Variants in CACNA1B observed in about 807,000 individuals in gnomAD.
The protein encoded by CACNA1B is calcium voltage-gated channel subunit alpha1 B.
A neutral mutation model predicts 247.2 loss-of-function variants in CACNA1B; 70 were observed. The ratio of observed to expected loss-of-function variants is 0.28; its 90% CI spans 0.23 to 0.35. The LOEUF is 0.35. CACNA1B is among the 10% of genes least tolerant of loss of function. The pLI, the probability that CACNA1B is intolerant of heterozygous loss-of-function variation, is 1.00. For missense variants in CACNA1B, 2,367 were observed against 3,197.4 expected (o/e 0.74, Z 6.26); for synonymous variants, 1,231 against 1,294.4 (o/e 0.95, Z 1.05).
rs200948733 is a variant in CACNA1B, at chr9:138,120,377, G to A, written c.6238+5G>A. ...TGTCTGCCGATATGGATGGCGGTGC[G>A]TGCGGAGGGGCCCGGGGAGTCCTTC... On this transcript the variant is annotated splice_donor_5th_base_variant and intron_variant, in intron 45 of 46. Transcript: ENST00000371372. 3.9e-6 allele frequency: 6 copies of A among 1,543,082 alleles called. No individual in the cohort carries two copies. Among genetic ancestry groups the A allele is most frequent in the African/African-American group, 1.4e-5 (1 of 73,434 alleles).
intron 20 of CACNA1B, among the ~76,000 whole-genome samples, chr9:138,042,679 G>T (rs2606359): frequency 0.19 from 28,706 of 152,076 alleles, 6,228 homozygotes; most frequent in African/African-American, 0.53. Context: ...GCTTGTGCTC[G>T]TGGGCAGGGG....
chr9:137,888,133 G>A lies in CACNA1B; in HGVS notation c.530+5250G>A, dbSNP rs114022850. On this transcript the variant is annotated intron_variant, in intron 3 of 46. Transcript: ENST00000371372. This position sits in a 1 kb window ranked among gnomAD's most constrained non-coding sequence, Gnocchi z 4.7. ...GGAAGGAGAGTGGGAGCCGGAAGCAGTGATCCAGGTGGGAGTGGTGAGGGT... is the reference window on the plus strand; with the variant it reads ...GGAAGGAGAGTGGGAGCCGGAAGCAATGATCCAGGTGGGAGTGGTGAGGGT... 3.1e-3 allele frequency among the ~76,000 whole-genome samples: 479 copies of A among 152,076 alleles called. 4 individuals carry two copies. The highest frequency in any genetic ancestry group is 5.7e-3 in the Non-Finnish European group (387 of 67,926).
intron 6 of CACNA1B, among the ~76,000 whole-genome samples, chr9:137,951,353 A>AG (rs1957875903): frequency 6.6e-6 from 1 of 152,178 alleles, no homozygotes; most frequent in South Asian, 2.1e-4. Flanking sequence ...CAGACACTGG[A>AG]GGGCAGGAAT....
intron 44 of CACNA1B, among the ~76,000 whole-genome samples, chr9:138,119,407 G>T (rs1961996319): frequency 6.6e-6 from 1 of 152,048 alleles, no homozygotes; most frequent in South Asian, 2.1e-4. Context: ...GGCCTCGGAG[G>T]AGCTGCAGGG....
chr9:137,963,685 C>A (rs983162365), intron 10 of CACNA1B, among the ~76,000 whole-genome samples: 2 of 152,182 alleles, frequency 1.3e-5, no homozygotes, highest in Non-Finnish European at 2.9e-5. Context: ...TCGTGAGCCA[C>A]CATGGCCCGC....
rs1021443591 is a variant in CACNA1B, at chr9:138,050,158, A to G, written c.3710+843A>G. ...CCAGCAGCCCCTCTTGGGTCATTTC[A>G]TCTCCAGCCTCACCCCCCGCCCATC... On this transcript the variant is annotated intron_variant, in intron 24 of 46. Coordinates refer to ENST00000371372, the MANE Select transcript of CACNA1B (RefSeq NM_000718.4). This position sits in a 1 kb window ranked among gnomAD's most constrained non-coding sequence, Gnocchi z 5.2. The G allele has an allele frequency of 4.3e-5, 48 of 1,114,176 alleles. No homozygotes were observed. Among genetic ancestry groups the G allele is most frequent in the Non-Finnish European group, 5.3e-5 (44 of 828,896 alleles). 69.0% of individuals were successfully genotyped at this position (1,114,176 alleles called of 1,614,324 possible). A position where few individuals can be genotyped will look rare whatever the true frequency, so the allele number is the denominator to read the frequency against.
At chr9:137,947,975 C>CTTTTTTTTTT (rs71387878) in intron 6 of CACNA1B, among the ~76,000 whole-genome samples, 2 of 79,444 alleles carry the variant, frequency 2.5e-5, no homozygotes, top group Admixed American at 1.4e-4. Flanking sequence ...TTCAGCATTC[C>CTTTTTTTTTT]TTTTTTTTTT....
chr9:137,988,506 T>C (rs1958394273), intron 15 of CACNA1B, among the ~76,000 whole-genome samples: 1 of 152,272 alleles, frequency 6.6e-6, no homozygotes, highest in South Asian at 2.1e-4. Context: ...GAAAGTGGGC[T>C]TTTCTGATCA....
rs1296645988 is a variant in CACNA1B at position 137,974,862 on chromosome 9, C to T, written c.1544-1045C>T. Among the ~76,000 whole-genome samples the T allele has an allele frequency of 6.6e-6, 1 of 152,252 alleles. No individual in the cohort carries two copies. The highest frequency in any genetic ancestry group is 1.5e-5 in the Non-Finnish European group (1 of 68,036). On this transcript the variant is annotated intron_variant, in intron 11 of 46. Coordinates refer to ENST00000371372, the MANE Select transcript of CACNA1B (RefSeq NM_000718.4). The surrounding 1 kb of genome is among the most constrained non-coding windows in gnomAD (Gnocchi z 4.5). ...CTCTGCCCTGGGCTCTGTTGCCTCC[C>T]TAGCCCCTGCTGACCTGGCAGAGCC... is the stretch of plus-strand genomic sequence containing the variant.
intron 12 of CACNA1B, among the ~76,000 whole-genome samples, chr9:137,981,643 A>T (rs184403299): frequency 6.6e-6 from 1 of 151,956 alleles, no homozygotes; most frequent in African/African-American, 2.4e-5. Flanking sequence ...CGTCCAGCTA[A>T]TTTTTTTGTA....
rs113901355 is a variant in CACNA1B, at chr9:138,084,688, A to G, written c.5094+6430A>G. Among the ~76,000 whole-genome samples the G allele has an allele frequency of 5.0e-3, 755 of 151,336 alleles. 47 individuals carry two copies. Among genetic ancestry groups the G allele is most frequent in the East Asian group, 0.018 (89 of 4,924 alleles). ...AGGAAATCACCAGGTGTGGTGGCTC[A>G]CGCCTGTAATCCCAGCACTTTGGGA... On this transcript the variant is annotated intron_variant, in intron 36 of 46. Coordinates refer to ENST00000371372, the MANE Select transcript of CACNA1B (RefSeq NM_000718.4).
chr9:138,023,857 G>A, intron 19 of CACNA1B, 46 bp downstream of exon 19: 1 of 958,056 alleles, frequency 1.0e-6, no homozygotes, highest in Non-Finnish European at 1.6e-6. Context: ...GGTTGGCCGG[G>A]GCGGCGCGGG....
intron 10 of CACNA1B, among the ~76,000 whole-genome samples, chr9:137,964,905 CTGTT>C (rs1011998657): frequency 3.3e-5 from 5 of 152,106 alleles, no homozygotes; most frequent in Non-Finnish European, 7.4e-5. Context: ...TTGTTGTTTT[CTGTT>C]TGTTTGCTTT....
In CACNA1B at chr9:138,051,821, CA is replaced by C. The variant is rs1959291693; in HGVS notation, c.3711-270del. ...CTGGAATCTGGGGTGGGAGGGGTGT[CA>C]GGGGTGATGGTTCTTCTCCTTGTGC... is the stretch of plus-strand genomic sequence containing the variant. On this transcript the variant is annotated intron_variant, in intron 24 of 46. Coordinates refer to ENST00000371372, the MANE Select transcript of CACNA1B (RefSeq NM_000718.4). The surrounding 1 kb of genome is among the most constrained non-coding windows in gnomAD (Gnocchi z 4.3). Among the ~76,000 whole-genome samples the C allele has an allele frequency of 6.6e-6, 1 of 152,110 alleles. No individual in the cohort carries two copies. The highest frequency in any genetic ancestry group is 2.4e-5 in the African/African-American group (1 of 41,426).
Position 138,023,148 on chromosome 9 carries a change from C to T in CACNA1B, c.2405C>T (p.Thr802Met). Residue 802 changes from threonine to methionine, a missense_variant, in exon 19 of 47, where the codon ACG (threonine) becomes ATG (methionine). Coordinates refer to ENST00000371372, the MANE Select transcript of CACNA1B (RefSeq NM_000718.4). ...GAGGAGCGGCTGCGCTTCGCCACTA[C>T]GCGCCACCTGCGGCCCGACATGAAG... ...DPEERLRFAT[T>M]RHLRPDMKTH... 6.5e-7 allele frequency: 1 copy of T among 1,536,430 alleles called. No individual in the cohort carries two copies. The highest frequency in any genetic ancestry group is 8.7e-7 in the Non-Finnish European group (1 of 1,149,390).
chr9:138,093,748 A>T (rs963176159), intron 36 of CACNA1B, among the ~76,000 whole-genome samples: 3 of 152,024 alleles, frequency 2.0e-5, no homozygotes, highest in Non-Finnish European at 4.4e-5. Context: ...TCAAAAAAAA[A>T]ACTAATAAAT....
At chr9:138,119,470 C>T (rs550195444) in intron 44 of CACNA1B, among the ~76,000 whole-genome samples, 4 of 152,268 alleles carry the variant, frequency 2.6e-5, no homozygotes, top group South Asian at 2.1e-4. Flanking sequence ...CCGGAGCCCC[C>T]GTGCCAGCCC....
chr9:137,948,501 G>A (rs1167006633), intron 6 of CACNA1B, among the ~76,000 whole-genome samples: 1 of 151,584 alleles, frequency 6.6e-6, no homozygotes, highest in Non-Finnish European at 1.5e-5. Context: ...TGAGATTTTC[G>A]ACTTTTTTTT....
intron 20 of CACNA1B, 118 bp from the exon 21 acceptor site, chr9:138,043,656 C>A (rs1959158164): frequency 1.8e-6 from 2 of 1,120,684 alleles, no homozygotes. Context: ...TTGCCCATCC[C>A]TGGTGGGCCT....
Sources: allele counts gnomAD v4.1 joint callset (sites outside exome capture counted in the v4.1 genomes callset), GRCh38; gene constraint gnomAD v4.1.1; non-coding constraint Gnocchi (gnomAD v3.1); transcripts MANE v1.5; gene names NCBI Gene and HGNC (gene_info 2026-07-23, HGNC 2026-07-21).